The following NOTCH1 variants were observed in gnomAD, a reference collection of about 807,000 sequenced individuals.
NOTCH1 encodes notch receptor 1.
A neutral mutation model predicts 254.8 loss-of-function variants in NOTCH1; 37 were observed. The ratio of observed to expected loss-of-function variants is 0.15; its 90% CI spans 0.11 to 0.19. The LOEUF (loss-of-function observed/expected upper bound fraction) is 0.19. Ranked by LOEUF, NOTCH1 falls within the 10% of genes least tolerant of loss-of-function variation. The pLI, the probability that NOTCH1 is intolerant of heterozygous loss-of-function variation, is 1.00. For missense variants in NOTCH1, 2,972 were observed against 3,708.6 expected (o/e 0.80, Z 5.16); for synonymous variants, 1,731 against 1,618.1 (o/e 1.07, Z -1.68).
At chr9:136,497,609 A>C (rs918515745) in intron 33 of NOTCH1, 51 bp from the exon 34 acceptor site, 3 of 1,468,110 alleles carry the variant, frequency 2.0e-6, no homozygotes, top group Admixed American at 2.1e-5. Context: ...AGGCGTGGGG[A>C]CCCTCCCCAA....
intron 5 of NOTCH1, 81 bp downstream of exon 5, chr9:136,519,362 G>T: frequency 6.3e-7 from 1 of 1,578,718 alleles, no homozygotes; most frequent in Non-Finnish European, 8.6e-7. Context: ...GCTGCTCCCC[G>T]CTATGCCTGT....
rs944661458 is a variant in NOTCH1 at position 136,519,298 on chromosome 9, T to A, written c.865+145A>T. ...CTGGCCACGGGAAGTGGGGCCCCCA[T>A]CATGTTGTCCTTCTCGGCCAACCCT... is the stretch of plus-strand genomic sequence containing the variant. On this transcript the variant is annotated intron_variant, in intron 5 of 33. Transcript: ENST00000651671. The A allele has an allele frequency of 1.5e-5, 18 of 1,193,392 alleles. No individual in the cohort carries two copies. The African/African-American group carries it at 2.7e-4, about 18-fold the overall frequency. The allele number at this position is 1,193,392 out of a possible 1,614,324, so 73.9% of individuals were successfully genotyped here.
At chr9:136,533,904 AC>A (rs1169371857) in intron 2 of NOTCH1, among the ~76,000 whole-genome samples, 2 of 152,114 alleles carry the variant, frequency 1.3e-5, no homozygotes, top group Non-Finnish European at 2.9e-5. Flanking sequence ...TGAGGCACGA[AC>A]GCATCTCTAA....
intron 2 of NOTCH1, among the ~76,000 whole-genome samples, chr9:136,524,291 G>A (rs1228307780): frequency 6.6e-6 from 1 of 152,212 alleles, no homozygotes; most frequent in Non-Finnish European, 1.5e-5. Flanking sequence ...GGGTGACAGA[G>A]CAAGACTCAA....
chr9:136,503,793 A>G (rs1164796241), intron 26 of NOTCH1, among the ~76,000 whole-genome samples: 1 of 152,052 alleles, frequency 6.6e-6, no homozygotes. Context: ...TCCCGTGAGC[A>G]GGATCCCATC....
chr9:136,503,417 G>A, intron 26 of NOTCH1, 87 bp from the exon 27 acceptor site: 1 of 1,589,942 alleles, frequency 6.3e-7, no homozygotes, highest in Non-Finnish European at 8.6e-7. Flanking sequence ...GGACACTGAG[G>A]CCCATGACGC....
rs776758626 is a variant in NOTCH1, at chr9:136,523,972, C to T, written c.148G>A (p.Gly50Arg). Reference sequence around the variant, plus strand: ...TGGCATCGCGGGCCCACGAAGGCCCCGCCACAGCTGTTGGCAGATGTGCCA... The same window carrying T: ...TGGCATCGCGGGCCCACGAAGGCCCTGCCACAGCTGTTGGCAGATGTGCCA... ...ANGTEACVCG[G>R]AFVGPRCQDP... Residue 50 changes from glycine (G) to arginine (R), a missense_variant, in exon 3 of 34, where the codon GGG becomes AGG. By Grantham distance (125) the Gly-to-Arg change is moderately radical. Transcript: ENST00000651671. The T allele has an allele frequency of 1.3e-5, 20 of 1,555,718 alleles. No individual in the cohort carries two copies. The highest frequency in any genetic ancestry group is 8.2e-5 in the South Asian group (7 of 85,018).
At chr9:136,497,641 A>T in intron 33 of NOTCH1, 83 bp from the exon 34 acceptor site, 1 of 1,281,046 alleles carries the variant, frequency 7.8e-7, no homozygotes, top group South Asian at 1.4e-5. Context: ...CAGAGGAAGC[A>T]GCAGTACAAC....
chr9:136,523,301 T>A (rs993230298), intron 3 of NOTCH1, 113 bp from the exon 4 acceptor site: 1 of 1,081,452 alleles, frequency 9.2e-7, no homozygotes, highest in African/African-American at 1.6e-5. Flanking sequence ...TTAGGTGCTA[T>A]CACATTTGAT....
Position 136,522,908 on chromosome 9 carries a change from C to G in NOTCH1, c.684G>C (p.Gln228His). The G allele has an allele frequency of 1.3e-6, 2 of 1,542,464 alleles. No individual in the cohort carries two copies. Among genetic ancestry groups the G allele is most frequent in the Non-Finnish European group, 8.8e-7 (1 of 1,141,952 alleles). Residue 228 changes from glutamine (Q) to histidine (H), a missense_variant, in exon 4 of 34, where the codon CAG becomes CAC. Around this residue, in one of 8 missense-constraint regions of NOTCH1, gnomAD observed 374 missense variants for 496.3 expected, o/e 0.75. Coordinates refer to ENST00000651671, the MANE Select transcript of NOTCH1 (RefSeq NM_017617.5). ...PYVPCSPSPC[Q>H]NGGTCRPTGD... ...CCGTGGGGCGGCAGGTGCCCCCGTT[C>G]TGGCAGGGCGAGGGGCTGCAGGGCA...
Position 136,523,967 on chromosome 9 carries a change from G to C in NOTCH1, c.153C>G (p.Ala51=), listed in dbSNP as rs748048002. ...GGTCCTGGCATCGCGGGCCCACGAA[G>C]GCCCCGCCACAGCTGTTGGCAGATG... ...NGTEACVCGG[A]FVGPRCQDPN... The change falls in exon 3 of 34, where the codon GCC becomes GCG. Residue 51 remains alanine (A), a synonymous_variant. Coordinates refer to ENST00000651671, the MANE Select transcript of NOTCH1 (RefSeq NM_017617.5). The C allele has an allele frequency of 6.4e-7, 1 of 1,555,196 alleles. No individual in the cohort carries two copies. Among genetic ancestry groups the C allele is most frequent in the Non-Finnish European group, 8.7e-7 (1 of 1,150,548 alleles).
chr9:136,521,055 C>T (rs1334475493), intron 4 of NOTCH1, among the ~76,000 whole-genome samples: 2 of 152,194 alleles, frequency 1.3e-5, no homozygotes, highest in African/African-American at 2.4e-5. Context: ...GCCCCCATCT[C>T]GGTTCCCCGT....
intron 8 of NOTCH1, 119 bp from the exon 9 acceptor site, chr9:136,517,504 GC>G: frequency 3.6e-6 from 3 of 841,154 alleles, no homozygotes; most frequent in African/African-American, 3.3e-5. Flanking sequence ...GCCACCACGG[GC>G]CCCCTGCGCA....
chr9:136,538,001 A>C (rs535625737), intron 2 of NOTCH1, among the ~76,000 whole-genome samples: 1 of 152,158 alleles, frequency 6.6e-6, no homozygotes, highest in East Asian at 1.9e-4. Context: ...CATCGCGTGA[A>C]TCTGGGAGGC....
intron 30 of NOTCH1, 46 bp from the exon 31 acceptor site, chr9:136,500,893 G>A (rs1360859775): frequency 6.5e-7 from 1 of 1,535,526 alleles, no homozygotes; most frequent in Non-Finnish European, 8.7e-7. Context: ...CCGGTCCCCA[G>A]CTGCAGCCCA....
At chr9:136,515,237 G>T in intron 12 of NOTCH1, 53 bp downstream of exon 12, 1 of 1,558,110 alleles carries the variant, frequency 6.4e-7, no homozygotes, top group South Asian at 1.1e-5. Context: ...CAGAGTGGCT[G>T]ACCTTGACCT....
intron 33 of NOTCH1, 27 bp from the exon 34 acceptor site, chr9:136,497,585 AG>A (rs753534256): frequency 1.6e-5 from 23 of 1,421,180 alleles, no homozygotes; most frequent in East Asian, 7.7e-5. Context: ...GGGGCCGGTG[AG>A]GGGGGCCAGG....
At chr9:136,515,786 C>A in intron 10 of NOTCH1, 70 bp from the exon 11 acceptor site, 1 of 1,408,704 alleles carries the variant, frequency 7.1e-7, no homozygotes, top group Non-Finnish European at 9.6e-7. Context: ...ATGACCAGAC[C>A]TGGGGTCACC....
At position 136,513,724 on chromosome 9, in the gene NOTCH1, G is replaced by C. The variant is rs1564196433; in HGVS notation, c.2208-187C>G. On this transcript the variant is annotated intron_variant, in intron 13 of 33. Transcript: ENST00000651671. The surrounding 1 kb of genome is among the most constrained non-coding windows in gnomAD (Gnocchi z 4.7). ...CTGTAATCCCAGCACTTTGGGAGGCGGGGGTGGCTGAGTCACTTGAGGCCA... is the reference window on the plus strand; with the variant it reads ...CTGTAATCCCAGCACTTTGGGAGGCCGGGGTGGCTGAGTCACTTGAGGCCA... 6.6e-6 allele frequency among the ~76,000 whole-genome samples: 1 copy of C among 152,202 alleles called. No homozygotes were observed. Among genetic ancestry groups the C allele is most frequent in the African/African-American group, 2.4e-5 (1 of 41,436 alleles).
Sources: allele counts gnomAD v4.1 joint callset (sites outside exome capture counted in the v4.1 genomes callset), GRCh38; gene constraint gnomAD v4.1.1; regional missense constraint gnomAD v4.1.1; non-coding constraint Gnocchi (gnomAD v3.1); transcripts MANE v1.5; gene names NCBI Gene and HGNC (gene_info 2026-07-23, HGNC 2026-07-21).